NCALD: variants seen among roughly 807,000 people sequenced by gnomAD.
The protein encoded by NCALD is neurocalcin-delta.
Under a neutral mutation model 18.6 loss-of-function variants are expected in NCALD, and 10 were observed. The observed-to-expected ratio is 0.54, with a 90% CI of 0.33 to 0.91. The LOEUF (loss-of-function observed/expected upper bound fraction) is 0.91, where lower values mean the gene tolerates loss of function less well. NCALD is among the 40% of genes least tolerant of loss of function. The probability of loss-of-function intolerance (pLI) is 0.03; values close to 1 mark genes in which losing one functional copy is unlikely to be tolerated. For missense variants in NCALD, 184 were observed against 247.6 expected (o/e 0.74, Z 1.72); for synonymous variants, 88 against 87.4 (o/e 1.01, Z -0.04).
At chr8:101,954,302 G>A (rs537333360) in intron 2 of NCALD, among the ~76,000 whole-genome samples, 4 of 152,138 alleles carry the variant, frequency 2.6e-5, no homozygotes, top group African/African-American at 4.8e-5. Context: ...AAAGTTCCTC[G>A]GTGAGTGACC....
At chr8:101,871,595 T>G (rs962349358) in intron 4 of NCALD, among the ~76,000 whole-genome samples, 1 of 151,776 alleles carries the variant, frequency 6.6e-6, no homozygotes, top group Admixed American at 6.6e-5. Context: ...TTTTTTTTTT[T>G]TTGCCATACC....
intron 2 of NCALD, among the ~76,000 whole-genome samples, chr8:101,967,951 C>T (rs1367133292): frequency 6.6e-6 from 1 of 152,186 alleles, no homozygotes; most frequent in Non-Finnish European, 1.5e-5. Context: ...AACCTCCCCT[C>T]TGACAACCCC....
intron 4 of NCALD, among the ~76,000 whole-genome samples, chr8:101,862,381 T>G (rs946690644): frequency 6.6e-6 from 1 of 151,956 alleles, no homozygotes; most frequent in Non-Finnish European, 1.5e-5. Context: ...AGGCACAACA[T>G]TTTTTTTAGG....
chr8:101,725,009 C>A (rs182911251), intron 1 of NCALD, among the ~76,000 whole-genome samples: 2 of 152,138 alleles, frequency 1.3e-5, no homozygotes, highest in Non-Finnish European at 2.9e-5. Flanking sequence ...CTAGGCACTG[C>A]GGAATTCAGC....
intron 4 of NCALD, among the ~76,000 whole-genome samples, chr8:101,835,776 C>A (rs1014773766): frequency 6.6e-6 from 1 of 151,888 alleles, no homozygotes; most frequent in African/African-American, 2.4e-5. Flanking sequence ...AGGGGTGGTC[C>A]CTGACTCAGT....
intron 3 of NCALD, chr8:101,691,220 C>T: frequency 2.0e-6 from 2 of 985,358 alleles, no homozygotes; most frequent in Non-Finnish European, 2.4e-6. Context: ...GAACTTACAG[C>T]CCCTCTTCCT....
chr8:102,014,870 G>A (rs576478756), intron 2 of NCALD, among the ~76,000 whole-genome samples: 6 of 152,142 alleles, frequency 3.9e-5, no homozygotes, highest in South Asian at 4.2e-4. Context: ...AGAATTACTC[G>A]GGGATCTTGT....
chr8:102,080,914 G>A (rs1176575685), intron 1 of NCALD, among the ~76,000 whole-genome samples: 2 of 152,228 alleles, frequency 1.3e-5, no homozygotes, highest in African/African-American at 2.4e-5. Context: ...CATGGGAGAA[G>A]TTTTGATGCC....
chr8:101,770,772 C>A (rs1010186355), intron 1 of NCALD, among the ~76,000 whole-genome samples: 12 of 152,170 alleles, frequency 7.9e-5, no homozygotes, highest in East Asian at 1.9e-4. Flanking sequence ...TTATTTTCAA[C>A]ACAGTGATTT....
chr8:101,903,369 G>T (rs557962297), intron 3 of NCALD, among the ~76,000 whole-genome samples: 1 of 151,990 alleles, frequency 6.6e-6, no homozygotes, highest in African/African-American at 2.4e-5. Context: ...GCTAATTTTT[G>T]TATTTTTAGT....
chr8:102,077,904 C>T (rs1469855926), intron 1 of NCALD, among the ~76,000 whole-genome samples: 1 of 152,186 alleles, frequency 6.6e-6, no homozygotes, highest in Non-Finnish European at 1.5e-5. Flanking sequence ...TATACACATT[C>T]TCTCTCTGGG....
chr8:102,039,011 T>G (rs1406498257), intron 1 of NCALD, among the ~76,000 whole-genome samples: 1 of 152,088 alleles, frequency 6.6e-6, no homozygotes, highest in Non-Finnish European at 1.5e-5. Context: ...AAAAGCTAAG[T>G]GAGGACCCCA....
chr8:102,062,775 C>T (rs1018552985), intron 1 of NCALD, among the ~76,000 whole-genome samples: 4 of 152,156 alleles, frequency 2.6e-5, no homozygotes, highest in Non-Finnish European at 5.9e-5. Flanking sequence ...GAGAGGAGTA[C>T]AAGGGGCCAA....
Position 101,847,369 on chromosome 8 carries a change from CCTT to C in NCALD, c.-20+39769_-20+39771del, listed in dbSNP as rs957788180. ...ATGAGCTACAACAGGATCGCCCTTC[CCTT>C]CTTCTTTAGTGGGATATGGACATGA... is the stretch of plus-strand genomic sequence containing the variant. On this transcript the variant is annotated intron_variant, in intron 4 of 6. Coordinates refer to the NCALD transcript ENST00000311028. The C allele has an allele frequency of 2.4e-4, 52 of 219,336 alleles. 1 individual carries two copies. Among genetic ancestry groups the C allele is most frequent in the African/African-American group, 6.2e-4 (27 of 43,494 alleles). 13.6% of individuals were successfully genotyped at this position (219,336 alleles called of 1,614,324 possible). A position where few individuals can be genotyped will look rare whatever the true frequency, so the allele number is the denominator to read the frequency against.
intron 1 of NCALD, among the ~76,000 whole-genome samples, chr8:101,740,148 G>A (rs199996973): frequency 6.6e-6 from 1 of 152,196 alleles, no homozygotes; most frequent in Non-Finnish European, 1.5e-5. Context: ...TTATAAAAGA[G>A]TTAAATTAGC....
intron 2 of NCALD, among the ~76,000 whole-genome samples, chr8:101,945,537 C>A (rs1264829906): frequency 6.6e-6 from 1 of 152,134 alleles, no homozygotes; most frequent in Non-Finnish European, 1.5e-5. Flanking sequence ...AACTCTCCAT[C>A]TTATGGATGA....
At chr8:101,794,511 C>T (rs1812564932), upstream of NCALD, among the ~76,000 whole-genome samples, 1 of 152,164 alleles carries the variant, frequency 6.6e-6, no homozygotes. Flanking sequence ...AAACTTAACC[C>T]TACTCATACA....
chr8:101,808,419 A>G (rs1334553327), intron 4 of NCALD, among the ~76,000 whole-genome samples: 1 of 152,192 alleles, frequency 6.6e-6, no homozygotes, highest in African/African-American at 2.4e-5. Context: ...CCCTTCAGAG[A>G]TCTCAAGGAG....
At chr8:101,902,190 A>C (rs1333046353) in intron 3 of NCALD, among the ~76,000 whole-genome samples, 1 of 151,518 alleles carries the variant, frequency 6.6e-6, no homozygotes, top group East Asian at 1.9e-4. Flanking sequence ...TTGCTAAGAT[A>C]GGGTAATTTC....
Sources: allele counts gnomAD v4.1 joint callset (sites outside exome capture counted in the v4.1 genomes callset), GRCh38; gene constraint gnomAD v4.1.1; transcripts MANE v1.5; gene names NCBI Gene and HGNC (gene_info 2026-07-23, HGNC 2026-07-21).